Variants in SNAP23 observed in about 807,000 individuals in gnomAD.
SNAP23 encodes synaptosome associated protein 23, also known as synaptosomal-associated protein 23.
In SNAP23, 11 loss-of-function variants were observed where a neutral mutation model predicts 29.0. The observed-to-expected ratio is 0.38, with a 90% CI of 0.24 to 0.63. SNAP23 has a LOEUF of 0.63. SNAP23 is among the 20% of genes least tolerant of loss of function. The pLI is 0.58. For synonymous variants in SNAP23, 60 were observed against 82.9 expected (o/e 0.72, Z 1.50); for missense variants, 220 against 253.9 (o/e 0.87, Z 0.91).
At chr15:42,521,631 G>C in intron 5 of SNAP23, 1 of 1,514,838 alleles carries the variant, frequency 6.6e-7, no homozygotes, top group Middle Eastern at 1.7e-4. Flanking sequence ...ATCAGAAGCC[G>C]GGCTCAGTAA....
In SNAP23 at chr15:42,511,979, G is replaced by A. The variant is rs147883842; in HGVS notation, c.57+76G>A. 1.3e-3 allele frequency: 1,198 copies of A among 934,614 alleles called. 13 individuals carry two copies. The African/African-American group carries it at 0.018, about 14-fold the overall frequency. 57.9% of individuals were successfully genotyped at this position (934,614 alleles called of 1,614,324 possible). ...TGGAGGAGTGAGAGAGCCTTCTTAG[G>A]GACATTTTGGCCTCTTCCTAGTCCA... On this transcript the variant is annotated intron_variant, in intron 2 of 7. Coordinates refer to ENST00000249647, the MANE Select transcript of SNAP23 (RefSeq NM_003825.4).
At chr15:42,525,451 CTTTTTTTTT>C (rs1158969519) in intron 5 of SNAP23, among the ~76,000 whole-genome samples, 54 of 47,188 alleles carry the variant, frequency 1.1e-3, no homozygotes, top group South Asian at 5.2e-3. Flanking sequence ...ATCCAGTCTT[CTTTTTTTTT>C]TTTTTTTTTT....
chr15:42,523,725 T>C (rs1056355293), intron 5 of SNAP23, among the ~76,000 whole-genome samples: 2 of 152,240 alleles, frequency 1.3e-5, no homozygotes, highest in African/African-American at 4.8e-5. Flanking sequence ...TTGCTCAAGA[T>C]TCTGTAGCTT....
intron 1 of SNAP23, among the ~76,000 whole-genome samples, chr15:42,499,898 C>CT (rs2057253947): frequency 6.6e-6 from 1 of 152,144 alleles, no homozygotes; most frequent in African/African-American, 2.4e-5. Context: ...AATTCCAGCA[C>CT]TTTGAGAGTC....
At chr15:42,502,800 T>C (rs1199650448) in intron 1 of SNAP23, among the ~76,000 whole-genome samples, 2 of 152,272 alleles carry the variant, frequency 1.3e-5, no homozygotes, top group Middle Eastern at 3.4e-3. Flanking sequence ...GTTAATAAAA[T>C]TGATTACAAT....
intron 5 of SNAP23, among the ~76,000 whole-genome samples, chr15:42,522,716 T>TAAAAAAAAAAAAAAAA (rs10553237): frequency 9.5e-6 from 1 of 104,898 alleles, no homozygotes; most frequent in African/African-American, 3.1e-5. Flanking sequence ...CAACCAAAAC[T>TAAAAAAAAAAAAAAAA]AAAAAAAAAA....
intron 1 of SNAP23, among the ~76,000 whole-genome samples, chr15:42,507,159 G>A (rs1267347291): frequency 2.6e-5 from 4 of 152,090 alleles, no homozygotes; most frequent in Non-Finnish European, 1.5e-5. Context: ...TACTTAATTT[G>A]CGAGTAGATC....
intron 5 of SNAP23, chr15:42,521,521 T>A: frequency 7.0e-7 from 1 of 1,434,098 alleles, no homozygotes; most frequent in African/African-American, 1.4e-5. Flanking sequence ...ACTTTAAACC[T>A]GCTTCTGTTC....
chr15:42,510,508 G>A (rs2057351393), intron 1 of SNAP23, among the ~76,000 whole-genome samples: 1 of 152,162 alleles, frequency 6.6e-6, no homozygotes, highest in Admixed American at 6.6e-5. Flanking sequence ...TGTGGCTCTA[G>A]TGATTCTTTG....
intron 1 of SNAP23, among the ~76,000 whole-genome samples, chr15:42,511,600 C>T (rs2057358275): frequency 6.6e-6 from 1 of 152,134 alleles, no homozygotes; most frequent in Non-Finnish European, 1.5e-5. Context: ...CCCTAGAAGT[C>T]CTAAAACCTG....
At chr15:42,494,661 G>A (rs191725433), upstream of SNAP23, among the ~76,000 whole-genome samples, 417 of 151,830 alleles carry the variant, frequency 2.7e-3, 4 homozygotes, top group Non-Finnish European at 9.0e-4. Context: ...GATTACAGGC[G>A]CCTGCCACCA....
chr15:42,522,752 G>A (rs546076315), intron 5 of SNAP23, among the ~76,000 whole-genome samples: 2 of 136,094 alleles, frequency 1.5e-5, no homozygotes, highest in East Asian at 2.2e-4. Flanking sequence ...TATCGTTTTT[G>A]TGCTCATACC....
chr15:42,530,092 G>A (rs878983561), intron 7 of SNAP23, among the ~76,000 whole-genome samples: 7 of 152,130 alleles, frequency 4.6e-5, no homozygotes, highest in Admixed American at 6.6e-5. Flanking sequence ...GCTTTTGAGC[G>A]TGTTTTTTTC....
At position 42,528,402 on chromosome 15, in the gene SNAP23, G is replaced by A. The variant is rs1169374486; in HGVS notation, c.407G>A (p.Ser136Asn). Reference protein sequence around the residue: ...QLQQPTTGAASGGYIKRITND... With the variant: ...QLQQPTTGAANGGYIKRITND... The stretch of plus-strand genomic sequence containing the variant: ...CAGCAACCAACAACGGGAGCAGCCA[G>A]TGGTGGATACATTAAACGGTATGCC... The change falls in exon 6 of 8, where the codon AGT becomes AAT. Residue 136 changes from serine to asparagine, a missense_variant. By Grantham distance (46) the Ser-to-Asn change is conservative. Coordinates refer to ENST00000249647, the MANE Select transcript of SNAP23 (RefSeq NM_003825.4). The A allele has an allele frequency of 7.4e-6, 12 of 1,614,164 alleles. No homozygotes were observed. Among genetic ancestry groups the A allele is most frequent in the Non-Finnish European group, 1.0e-5 (12 of 1,180,022 alleles).
intron 1 of SNAP23, among the ~76,000 whole-genome samples, chr15:42,501,720 G>A (rs557121393): frequency 1.3e-5 from 2 of 152,132 alleles, no homozygotes; most frequent in African/African-American, 4.8e-5. Flanking sequence ...CCAAAATCAC[G>A]AGAGATATTT....
At chr15:42,517,865 C>T (rs549222345) in intron 5 of SNAP23, among the ~76,000 whole-genome samples, 128 of 152,232 alleles carry the variant, frequency 8.4e-4, no homozygotes, top group Admixed American at 1.8e-3. Context: ...TGTGTGCCAC[C>T]ATGCCCAGCT....
chr15:42,524,411 T>G (rs1221554951), intron 5 of SNAP23, among the ~76,000 whole-genome samples: 1 of 152,170 alleles, frequency 6.6e-6, no homozygotes, highest in African/African-American at 2.4e-5. Context: ...CACGGCCTGT[T>G]AACAGAAACT....
intron 5 of SNAP23, chr15:42,521,821 G>A (rs2057452094): frequency 2.4e-6 from 1 of 424,176 alleles, no homozygotes; most frequent in Non-Finnish European, 4.2e-6. Flanking sequence ...CTTGATGGGT[G>A]CTATCTCACA....
At chr15:42,521,558 G>T in intron 5 of SNAP23, 5 of 1,515,876 alleles carry the variant, frequency 3.3e-6, no homozygotes, top group Non-Finnish European at 3.5e-6. Flanking sequence ...ACTATTTTCT[G>T]CATTTCATTC....
Sources: gnomAD v4.1 joint callset for allele counts (sites outside exome capture counted in the v4.1 genomes callset) on GRCh38, gnomAD v4.1.1 for gene constraint, MANE v1.5 for transcripts, NCBI Gene and HGNC (gene_info 2026-07-23, HGNC 2026-07-21) for gene names.